Variants in ZMYM4 observed in about 807,000 individuals in gnomAD.
ZMYM4 encodes the protein zinc finger MYM-type protein 4.
ZMYM4 carries 31 observed loss-of-function variants against 183.2 expected under a neutral mutation model. The observed-to-expected ratio is 0.17, with a 90% CI of 0.13 to 0.23. The LOEUF (loss-of-function observed/expected upper bound fraction) is 0.23. Among genes scored for constraint, ZMYM4 ranks in the 10% least tolerant of loss-of-function variants. The pLI is 1.00. For synonymous variants in ZMYM4, 592 were observed against 631.2 expected, an observed-to-expected ratio of 0.94 and a Z score of 0.93; for missense variants, 1,273 against 1,840.3, an observed-to-expected ratio of 0.69 and a Z score of 5.64.
At chr1:35,357,150 A>T (rs1643851239) in intron 2 of ZMYM4, among the ~76,000 whole-genome samples, 1 of 152,156 alleles carries the variant, frequency 6.6e-6, no homozygotes, top group South Asian at 2.1e-4. Context: ...TCAGCCTCCC[A>T]AAGTGCTAAG....
chr1:35,360,447 A>G (rs1192484847), intron 3 of ZMYM4, among the ~76,000 whole-genome samples: 1 of 152,114 alleles, frequency 6.6e-6, no homozygotes, highest in Non-Finnish European at 1.5e-5. Flanking sequence ...TAGGAAATGT[A>G]TGGTAGAAAG....
chr1:35,282,906 A>G (rs1379457736), intron 1 of ZMYM4, among the ~76,000 whole-genome samples: 3 of 134,926 alleles, frequency 2.2e-5, no homozygotes, highest in African/African-American at 8.3e-5. Flanking sequence ...AACATTTTCC[A>G]TTTGCACCAG....
At chr1:35,374,363 G>C (rs538422286) in intron 7 of ZMYM4, among the ~76,000 whole-genome samples, 2 of 152,204 alleles carry the variant, frequency 1.3e-5, no homozygotes, top group Middle Eastern at 3.4e-3. Flanking sequence ...ACTTAAATCA[G>C]TTTGAAGATT....
chr1:35,370,068 G>C lies in ZMYM4; in HGVS notation c.880G>C (p.Glu294Gln), dbSNP rs769759043. 1 of 1,613,140 alleles carries C rather than the reference G, an allele frequency of 6.2e-7. No individual in the cohort carries two copies. Residue 294 changes from glutamate to glutamine, a missense_variant, in exon 6 of 30, where the codon GAA becomes CAA. Glu to Gln is a conservative substitution (Grantham distance 29, BLOSUM62 2). Coordinates refer to ENST00000314607, the MANE Select transcript of ZMYM4 (RefSeq NM_005095.3). The stretch of plus-strand genomic sequence containing the variant: ...CCAACAGCAAAAAACTCAAGAGGGG[G>C]AACTGAAAATTAGTGCTGTGTTTTC... ...HGQQQKTQEGELKISAVFSVS... is the reference protein window; with the variant it reads ...HGQQQKTQEGQLKISAVFSVS...
chr1:35,283,399 G>A (rs372743570), intron 1 of ZMYM4, among the ~76,000 whole-genome samples: 4 of 134,866 alleles, frequency 3.0e-5, no homozygotes, highest in African/African-American at 5.8e-5. Context: ...GTGCAGTGGC[G>A]CAATCTCAGC....
chr1:35,361,668 G>T lies in ZMYM4; in HGVS notation c.719G>T (p.Gly240Val), dbSNP rs771524811. The change falls in exon 5 of 30, where the codon GGG becomes GTG. Residue 240 changes from glycine (G) to valine (V), a missense_variant. This residue lies in a region of ZMYM4 where 384 missense variants were observed against 465.6 expected (regional missense o/e 0.82). Coordinates refer to ENST00000314607, the MANE Select transcript of ZMYM4 (RefSeq NM_005095.3). ...AAAGAATCCATTGGTTCGGAACTGG[G>T]GAATTCCTTTGCATCAAATATTAGA... ...ANKESIGSEL[G>V]NSFASNIRIK... The T allele has an allele frequency of 6.2e-7, 1 of 1,613,626 alleles. No individual in the cohort carries two copies. The highest frequency in any genetic ancestry group is 8.5e-7 in the Non-Finnish European group (1 of 1,179,762).
intron 1 of ZMYM4, among the ~76,000 whole-genome samples, chr1:35,286,241 G>T (rs755846752): frequency 1.3e-5 from 2 of 151,880 alleles, no homozygotes; most frequent in African/African-American, 2.4e-5. Context: ...TTGTATTTAT[G>T]TACACTAGAA....
chr1:35,342,191 C>T (rs752557540), intron 2 of ZMYM4, among the ~76,000 whole-genome samples: 2 of 152,110 alleles, frequency 1.3e-5, no homozygotes, highest in Admixed American at 6.6e-5. Context: ...GACAGGGTCT[C>T]GCTCTGTTTC....
intron 1 of ZMYM4, among the ~76,000 whole-genome samples, chr1:35,286,132 A>G (rs1204570433): frequency 6.6e-6 from 1 of 152,220 alleles, no homozygotes; most frequent in African/African-American, 2.4e-5. Flanking sequence ...ATGATCTTAT[A>G]CGTAGAATAC....
chr1:35,336,254 T>C (rs1018587499), intron 2 of ZMYM4, among the ~76,000 whole-genome samples: 1 of 152,216 alleles, frequency 6.6e-6, no homozygotes, highest in Admixed American at 6.5e-5. Context: ...TTCTGATACA[T>C]GTAGCATGTG....
Position 35,403,709 on chromosome 1 carries a change from ATTTC to A in ZMYM4, c.3529-1310_3529-1307del, listed in dbSNP as rs1644952682. Among the ~76,000 whole-genome samples, 4 of 137,608 alleles carry A rather than the reference ATTTC, an allele frequency of 2.9e-5. No homozygotes were observed. In the South Asian group the frequency reaches 8.8e-4, roughly 30 times the overall value. 90.3% of individuals were successfully genotyped at this position (137,608 alleles called of 152,430 possible). ...TATTTCTTTTTCTTCTATTTGTATA[ATTTC>A]TTTAACTATGATAGAATTTGTATAA... On this transcript the variant is annotated intron_variant, in intron 23 of 29. Coordinates refer to ENST00000314607, the MANE Select transcript of ZMYM4 (RefSeq NM_005095.3).
At chr1:35,367,210 CAATT>C (rs1225288632) in intron 5 of ZMYM4, among the ~76,000 whole-genome samples, 2 of 151,128 alleles carry the variant, frequency 1.3e-5, no homozygotes, top group Non-Finnish European at 2.9e-5. Context: ...GAACATCATA[CAATT>C]AATTAATTTT....
chr1:35,365,401 A>G (rs1214626723), intron 5 of ZMYM4, among the ~76,000 whole-genome samples: 2 of 152,086 alleles, frequency 1.3e-5, no homozygotes, highest in African/African-American at 4.8e-5. Flanking sequence ...AAAACTGTAC[A>G]TTCAGTAAAT....
chr1:35,325,978 C>A (rs1642485649), intron 2 of ZMYM4, among the ~76,000 whole-genome samples: 1 of 152,018 alleles, frequency 6.6e-6, no homozygotes, highest in Non-Finnish European at 1.5e-5. Flanking sequence ...ACTGTTCTTG[C>A]TTTTTTTCAT....
intron 2 of ZMYM4, among the ~76,000 whole-genome samples, chr1:35,354,394 C>G (rs1643738498): frequency 6.6e-6 from 1 of 152,110 alleles, no homozygotes; most frequent in African/African-American, 2.4e-5. Flanking sequence ...TTTCATCACT[C>G]TCTTGTGAGA....
chr1:35,372,873 T>C (rs941288817), intron 7 of ZMYM4, among the ~76,000 whole-genome samples: 2 of 152,222 alleles, frequency 1.3e-5, no homozygotes, highest in Admixed American at 1.3e-4. Context: ...AATATGATGT[T>C]GTGGCTGGGC....
intron 26 of ZMYM4, among the ~76,000 whole-genome samples, chr1:35,411,975 T>C (rs1041344991): frequency 1.1e-4 from 17 of 151,802 alleles, no homozygotes; most frequent in Admixed American, 3.3e-4. Context: ...CTCCGCCTCC[T>C]GGGTTCAACG....
chr1:35,284,627 C>T (rs1273188721), intron 1 of ZMYM4, among the ~76,000 whole-genome samples: 1 of 152,200 alleles, frequency 6.6e-6, no homozygotes, highest in East Asian at 1.9e-4. Flanking sequence ...AACACAGTAT[C>T]ATAGTCTGGG....
At chr1:35,388,422 C>A (rs1046073946) in intron 13 of ZMYM4, among the ~76,000 whole-genome samples, 3 of 152,186 alleles carry the variant, frequency 2.0e-5, no homozygotes, top group African/African-American at 7.2e-5. Flanking sequence ...CCAGGCTGGT[C>A]TCCAACTCCT....
Sources: allele counts gnomAD v4.1 joint callset (sites outside exome capture counted in the v4.1 genomes callset), GRCh38; gene constraint gnomAD v4.1.1; regional missense constraint gnomAD v4.1.1; transcripts MANE v1.5; gene names NCBI Gene and HGNC (gene_info 2026-07-23, HGNC 2026-07-21).